The following TMEM161B variants were observed in gnomAD, a reference collection of about 807,000 sequenced individuals.
TMEM161B encodes transmembrane protein 161B.
In TMEM161B, 34 loss-of-function variants were observed where a neutral mutation model predicts 61.8. The ratio of observed to expected loss-of-function variants is 0.55; its 90% confidence interval spans 0.42 to 0.73. The LOEUF (loss-of-function observed/expected upper bound fraction) is 0.73, where lower values mean the gene tolerates loss of function less well. Among genes scored for constraint, TMEM161B ranks in the 30% least tolerant of loss-of-function variants. The probability of loss-of-function intolerance (pLI) is 0.00; values close to 1 mark genes in which losing one functional copy is unlikely to be tolerated. For missense variants in TMEM161B, 456 were observed against 558.5 expected (o/e 0.82, Z 1.85); for synonymous variants, 167 against 192.8 (o/e 0.87, Z 1.11).
In TMEM161B at chr5:88,195,234, T is replaced by C; in HGVS notation, c.*977A>G. On this transcript the variant is annotated 3_prime_UTR_variant, in exon 12 of 12. Transcript: ENST00000296595. ...ACTTTCAAAATGTATTTTAATCTCATTCCAAAAAGAAATAAAATTTCTAGA... is the reference window on the plus strand; with the variant it reads ...ACTTTCAAAATGTATTTTAATCTCACTCCAAAAAGAAATAAAATTTCTAGA... 2.1e-6 allele frequency: 2 copies of C among 971,336 alleles called. No homozygotes were observed. The highest frequency in any genetic ancestry group is 2.4e-6 in the Non-Finnish European group (2 of 816,864). The allele number at this position is 971,336 out of a possible 1,614,324, so 60.2% of individuals were successfully genotyped here. A position where few individuals can be genotyped will look rare whatever the true frequency, so the allele number is the denominator to read the frequency against.
intron 1 of TMEM161B, among the ~76,000 whole-genome samples, chr5:88,241,971 A>G (rs759685362): frequency 2.0e-5 from 3 of 151,802 alleles, no homozygotes; most frequent in Non-Finnish European, 4.4e-5. Context: ...AAATCTCTCT[A>G]TCTGTGCTTT....
intron 2 of TMEM161B, among the ~76,000 whole-genome samples, chr5:88,238,065 A>T (rs1752153088): frequency 6.6e-6 from 1 of 152,146 alleles, no homozygotes; most frequent in South Asian, 2.1e-4. Flanking sequence ...TTTTATTTGC[A>T]TAAAAACTAC....
chr5:88,228,066 A>G (rs1750362389), intron 3 of TMEM161B, among the ~76,000 whole-genome samples: 2 of 152,190 alleles, frequency 1.3e-5, no homozygotes, highest in Admixed American at 6.5e-5. Context: ...TGAGGCCAAG[A>G]GCAGGTTAAT....
intron 1 of TMEM161B, among the ~76,000 whole-genome samples, chr5:88,252,684 CGAA>C (rs950510742): frequency 4.5e-4 from 69 of 152,248 alleles, no homozygotes; most frequent in African/African-American, 1.6e-3. Context: ...AAGAAACTCA[CGAA>C]GAAGGCTGAC....
chr5:88,208,591 G>A (rs778613835), intron 5 of TMEM161B, among the ~76,000 whole-genome samples: 1 of 152,124 alleles, frequency 6.6e-6, no homozygotes, highest in Admixed American at 6.5e-5. Flanking sequence ...GCAGTGAGCC[G>A]AGATAGCACC....
At chr5:88,267,887 T>C (rs1198291817) in intron 1 of TMEM161B, among the ~76,000 whole-genome samples, 1 of 152,190 alleles carries the variant, frequency 6.6e-6, no homozygotes, top group Non-Finnish European at 1.5e-5. Context: ...GATTCTCTTC[T>C]CTCGGGTACC....
chr5:88,213,897 A>G (rs1747343950), intron 5 of TMEM161B, among the ~76,000 whole-genome samples: 2 of 152,166 alleles, frequency 1.3e-5, no homozygotes, highest in Non-Finnish European at 2.9e-5. Context: ...TCTCACTAGA[A>G]CTGAAATCTT....
chr5:88,253,763 T>C (rs1421922305), intron 1 of TMEM161B, among the ~76,000 whole-genome samples: 1 of 152,128 alleles, frequency 6.6e-6, no homozygotes, highest in African/African-American at 2.4e-5. Flanking sequence ...ACTGAAATAG[T>C]CCAAGCAATA....
At chr5:88,235,013 ACT>A (rs1485269165) in intron 2 of TMEM161B, among the ~76,000 whole-genome samples, 14 of 152,120 alleles carry the variant, frequency 9.2e-5, no homozygotes, top group Non-Finnish European at 4.4e-5. Context: ...ATCTGCAGTG[ACT>A]CTGATAATAA....
downstream of TMEM161B, among the ~76,000 whole-genome samples, chr5:88,190,442 G>A (rs1010649127): frequency 2.6e-4 from 39 of 152,102 alleles, no homozygotes; most frequent in Admixed American, 1.5e-3. Flanking sequence ...TCTAGTAACC[G>A]AATGCATCCT....
chr5:88,227,097 G>C (rs1423711981), intron 3 of TMEM161B, among the ~76,000 whole-genome samples: 1 of 152,176 alleles, frequency 6.6e-6, no homozygotes, highest in African/African-American at 2.4e-5. Flanking sequence ...GCTGAGGTGG[G>C]AAGATCATTT....
chr5:88,206,734 T>C (rs771453403), intron 6 of TMEM161B, among the ~76,000 whole-genome samples: 1 of 152,082 alleles, frequency 6.6e-6, no homozygotes, highest in East Asian at 1.9e-4. Flanking sequence ...GTGCATAAAA[T>C]TTGCATTAAT....
At chr5:88,256,816 C>G (rs1755046751) in intron 1 of TMEM161B, among the ~76,000 whole-genome samples, 1 of 152,188 alleles carries the variant, frequency 6.6e-6, no homozygotes, top group South Asian at 2.1e-4. Flanking sequence ...TCATTGCATT[C>G]AGGTTCCTAC....
intron 1 of TMEM161B, among the ~76,000 whole-genome samples, chr5:88,250,064 A>G (rs1208891993): frequency 6.6e-6 from 1 of 152,176 alleles, no homozygotes; most frequent in African/African-American, 2.4e-5. Context: ...GAAAGACACC[A>G]GATTCATTAC....
rs1462930946 is a variant in TMEM161B at position 88,228,461 on chromosome 5, TCCC to T, written c.172_174del (p.Gly58del). The T allele has an allele frequency of 6.2e-7, 1 of 1,608,584 alleles. No individual in the cohort carries two copies. Among genetic ancestry groups the T allele is most frequent in the South Asian group, 1.1e-5 (1 of 89,336 alleles). On this transcript the variant is annotated inframe_deletion, in exon 3 of 12. Coordinates refer to ENST00000296595, the MANE Select transcript of TMEM161B (RefSeq NM_153354.5). ...AAAACTTACCTATCTTTTTTGGTTT[TCCC>T]TTTTTGTTGTTTCCCTGCAAGAATT...
At chr5:88,255,921 T>C (rs932897187) in intron 1 of TMEM161B, among the ~76,000 whole-genome samples, 2 of 152,172 alleles carry the variant, frequency 1.3e-5, no homozygotes, top group African/African-American at 4.8e-5. Flanking sequence ...ATGTGTGAAT[T>C]TGATGTAACT....
intron 8 of TMEM161B, among the ~76,000 whole-genome samples, chr5:88,204,479 G>A (rs1445086830): frequency 2.0e-5 from 3 of 152,062 alleles, no homozygotes; most frequent in Non-Finnish European, 4.4e-5. Flanking sequence ...GTAAACCATC[G>A]GATGTGGGGA....
At chr5:88,193,825 G>T (rs1749226397), downstream of TMEM161B, among the ~76,000 whole-genome samples, 1 of 152,154 alleles carries the variant, frequency 6.6e-6, no homozygotes, top group Non-Finnish European at 1.5e-5. Flanking sequence ...AAACAAATGT[G>T]AAATTTTGGT....
At chr5:88,216,068 G>C in intron 5 of TMEM161B, among the ~76,000 whole-genome samples, 1 of 152,122 alleles carries the variant, frequency 6.6e-6, no homozygotes, top group East Asian at 1.9e-4. Context: ...GATTAGCCTG[G>C]ACAGCATAGT....
Sources: gnomAD v4.1 joint callset for allele counts (sites outside exome capture counted in the v4.1 genomes callset) on GRCh38, gnomAD v4.1.1 for gene constraint, MANE v1.5 for transcripts, NCBI Gene and HGNC (gene_info 2026-07-23, HGNC 2026-07-21) for gene names.